RSRP1: variants seen among roughly 807,000 people sequenced by gnomAD.
RSRP1 encodes arginine and serine rich protein 1, also known as arginine/serine-rich protein 1.
Under a neutral mutation model 33.0 loss-of-function variants are expected in RSRP1, and 37 were observed. That is an observed-to-expected ratio of 1.12 (90% CI 0.86 to 1.48). The LOEUF is 1.48. RSRP1 is among the 40% of genes most tolerant of loss of function. The pLI, the probability that RSRP1 is intolerant of heterozygous loss-of-function variation, is 0.00. For missense variants in RSRP1, 402 were observed against 385.3 expected, an observed-to-expected ratio of 1.04 and a Z score of -0.36; for synonymous variants, 167 against 158.7, an observed-to-expected ratio of 1.05 and a Z score of -0.40.
At chr1:25,257,987 T>G (rs1467158319) in intron 1 of RSRP1, among the ~76,000 whole-genome samples, 2 of 152,108 alleles carry the variant, frequency 1.3e-5, no homozygotes, top group African/African-American at 4.8e-5. Flanking sequence ...GGATCCTCAT[T>G]CATCAGAAAT....
rs1443154760 is a variant in RSRP1 at position 25,320,141 on chromosome 1, G to T, written c.-67+17837C>A. ...TCGAACTCCTGACCTCAGGTGATCC[G>T]CCCACCTTGGCCTCCCAAAGTGCTG... On this transcript the variant is annotated intron_variant, in intron 1 of 1. Coordinates refer to the RSRP1 transcript ENST00000561867. Among the ~76,000 whole-genome samples, 2 of 130,996 alleles carry T rather than the reference G, an allele frequency of 1.5e-5. 1 individual carries two copies. Among genetic ancestry groups the T allele is most frequent in the African/African-American group, 5.2e-5 (2 of 38,446 alleles). 85.9% of individuals were successfully genotyped at this position (130,996 alleles called of 152,430 possible).
rs1403885629 is a variant in RSRP1 at position 25,274,584 on chromosome 1, G to T, written c.-66-27555C>A. Reference sequence around the variant, plus strand: ...GTGACTGCCCAGCCAGGTCTTGAAGGCTCAGTAGGAATTACCTGTGGGACA... The same window carrying T: ...GTGACTGCCCAGCCAGGTCTTGAAGTCTCAGTAGGAATTACCTGTGGGACA... On this transcript the variant is annotated intron_variant, in intron 1 of 1. Coordinates refer to the RSRP1 transcript ENST00000561867. Among the ~76,000 whole-genome samples, 4 of 133,480 alleles carry T rather than the reference G, an allele frequency of 3.0e-5. 1 individual carries two copies. Among genetic ancestry groups the T allele is most frequent in the Middle Eastern group, 8.1e-3 (2 of 246 alleles). The allele number at this position is 133,480 out of a possible 152,430, so 87.6% of individuals were successfully genotyped here.
chr1:25,248,179 T>C (rs1639629890), upstream of RSRP1: 2 of 152,114 alleles, frequency 1.3e-5, no homozygotes, highest in Non-Finnish European at 2.9e-5. Context: ...AAACTGACCT[T>C]TAATCTGGGG....
In RSRP1 at chr1:25,300,883, T is replaced by C. The variant is rs548595413; in HGVS notation, c.-67+37095A>G. ...GAAGCTCTGAACTTTCTCCAAGGAC[T>C]ATCAGGGCTTGCCCCGGGCAGAGGA... On this transcript the variant is annotated intron_variant, in intron 1 of 1. Transcript: ENST00000561867. The C allele has an allele frequency of 1.2e-5, 16 of 1,354,360 alleles. 3 individuals are homozygous for C. Among genetic ancestry groups the C allele is most frequent in the East Asian group, 6.8e-5 (3 of 44,304 alleles). 83.9% of individuals were successfully genotyped at this position (1,354,360 alleles called of 1,614,324 possible).
chr1:25,294,057 C>T, intron 1 of RSRP1: 1 of 664,086 alleles, frequency 1.5e-6, no homozygotes, highest in East Asian at 2.5e-5. Flanking sequence ...GAAGGCTGTC[C>T]ACCAATGGGC....
Position 25,307,842 on chromosome 1 carries a change from G to T in RSRP1, c.-67+30136C>A. On this transcript the variant is annotated intron_variant, in intron 1 of 1. Coordinates refer to the RSRP1 transcript ENST00000561867. ...GTGAGACATCCTTGCTTGGGATGAG[G>T]AGGGGATGAGCTGTGTGAAGCAAGG... 2.3e-6 allele frequency: 3 copies of T among 1,297,928 alleles called. No homozygotes were observed. In the South Asian group the frequency reaches 3.8e-5, roughly 17 times the overall value. The allele number at this position is 1,297,928 out of a possible 1,614,324, so 80.4% of individuals were successfully genotyped here.
intron 1 of RSRP1, chr1:25,306,567 A>C (rs1486839276): frequency 1.5e-6 from 2 of 1,374,820 alleles, no homozygotes; most frequent in South Asian, 2.4e-5. Flanking sequence ...CTCACCTGCC[A>C]ATCTGCTTAT....
upstream of RSRP1, chr1:25,247,956 C>G (rs1216170468): frequency 6.6e-6 from 1 of 152,446 alleles, no homozygotes; most frequent in East Asian, 1.9e-4. Flanking sequence ...CTGAGCCTCC[C>G]TGGACCCTTC....
upstream of RSRP1, among the ~76,000 whole-genome samples, chr1:25,248,675 T>C (rs562377993): frequency 2.0e-5 from 3 of 152,304 alleles, no homozygotes; most frequent in African/African-American, 7.2e-5. Flanking sequence ...ACAAACTCAC[T>C]CATCTCTTGT....
intron 1 of RSRP1, among the ~76,000 whole-genome samples, chr1:25,259,713 A>G (rs1640069033): frequency 1.3e-5 from 2 of 151,782 alleles, no homozygotes; most frequent in Admixed American, 6.6e-5. Context: ...GTTGGCTAGG[A>G]TAGTTTCACC....
intron 1 of RSRP1, chr1:25,290,554 A>AGAATGAATGAATGAATGAAT (rs112473736): frequency 9.1e-7 from 1 of 1,095,358 alleles, no homozygotes; most frequent in African/African-American, 1.6e-5. Context: ...GTTTGTTGAA[A>AGAATGAATGAATGAATGAAT]GAATGAATGA....
intron 1 of RSRP1, among the ~76,000 whole-genome samples, chr1:25,278,668 G>A (rs1232149614): frequency 1.5e-5 from 2 of 131,692 alleles, no homozygotes; most frequent in Non-Finnish European, 3.6e-5. Context: ...CCTGGGTCCT[G>A]TGCTGTGGAT....
At position 25,275,749 on chromosome 1, in the gene RSRP1, C is replaced by T. The variant is rs1396476012; in HGVS notation, c.-66-28720G>A. Among the ~76,000 whole-genome samples, 5 of 132,408 alleles carry T rather than the reference C, an allele frequency of 3.8e-5. 1 individual carries two copies. Among genetic ancestry groups the T allele is most frequent in the Admixed American group, 7.3e-5 (1 of 13,626 alleles). 86.9% of individuals were successfully genotyped at this position (132,408 alleles called of 152,430 possible). A position where few individuals can be genotyped will look rare whatever the true frequency, so the allele number is the denominator to read the frequency against. ...AGGCAGGGTCCATTGCTACAGTTGA[C>T]GATAGTGGATGAAAATTCACTCCTC... On this transcript the variant is annotated intron_variant, in intron 1 of 1. Coordinates refer to the RSRP1 transcript ENST00000561867.
intron 1 of RSRP1, chr1:25,253,499 T>C (rs1008132706): frequency 8.5e-5 from 13 of 152,140 alleles, no homozygotes; most frequent in African/African-American, 2.9e-4. Context: ...GTAGCTGGGA[T>C]TACTGACATG....
intron 1 of RSRP1, among the ~76,000 whole-genome samples, chr1:25,312,647 G>A (rs1342568137): frequency 1.6e-5 from 2 of 128,494 alleles, no homozygotes; most frequent in African/African-American, 5.3e-5. Flanking sequence ...CTACTCAGGA[G>A]GCTGAGGTGA....
At chr1:25,320,927 C>A (rs1239372691) in intron 1 of RSRP1, among the ~76,000 whole-genome samples, 1 of 131,318 alleles carries the variant, frequency 7.6e-6, no homozygotes, top group East Asian at 2.0e-4. Context: ...ACCTGTGGTC[C>A]CAGCTACTTG....
rs111872975 is a variant in RSRP1, at chr1:25,316,206, G to A, written c.-67+21772C>T. 1.2e-4 allele frequency among the ~76,000 whole-genome samples: 16 copies of A among 130,690 alleles called. 1 individual carries two copies. Among genetic ancestry groups the A allele is most frequent in the South Asian group, 9.3e-4 (4 of 4,286 alleles). 85.7% of individuals were successfully genotyped at this position (130,690 alleles called of 152,430 possible). ...CCTGGGGTTGCCTTGAAGGAGAGAG[G>A]TCGTGGAAGTATGTTCAAGGGGTAG... On this transcript the variant is annotated intron_variant, in intron 1 of 1. Coordinates refer to the RSRP1 transcript ENST00000561867.
At chr1:25,308,525 A>G (rs1643968358) in intron 1 of RSRP1, among the ~76,000 whole-genome samples, 1 of 132,220 alleles carries the variant, frequency 7.6e-6, no homozygotes, top group African/African-American at 2.6e-5. Flanking sequence ...GCTTTCCAAG[A>G]AAATAAAGCC....
rs1160217976 is a variant in RSRP1 at position 25,316,385 on chromosome 1, C to T, written c.-67+21593G>A. On this transcript the variant is annotated intron_variant, in intron 1 of 1. Coordinates refer to the RSRP1 transcript ENST00000561867. ...CTGTAATCCCAGCACTTTGGGAGGC[C>T]GAGGCGGGCAGATCACTTGAGGTCA... Among the ~76,000 whole-genome samples, 6 of 129,020 alleles carry T rather than the reference C, an allele frequency of 4.7e-5. 1 individual carries two copies. The highest frequency in any genetic ancestry group is 9.1e-5 in the Non-Finnish European group (5 of 54,892). The allele number at this position is 129,020 out of a possible 152,430, so 84.6% of individuals were successfully genotyped here. A position where few individuals can be genotyped will look rare whatever the true frequency, so the allele number is the denominator to read the frequency against.
Sources: gnomAD v4.1 joint callset for allele counts (sites outside exome capture counted in the v4.1 genomes callset) on GRCh38, gnomAD v4.1.1 for gene constraint, MANE v1.5 for transcripts, NCBI Gene and HGNC (gene_info 2026-07-23, HGNC 2026-07-21) for gene names.